The following LRRC8D variants were observed in gnomAD, a reference collection of about 807,000 sequenced individuals.
LRRC8D encodes leucine rich repeat containing 8 VRAC subunit D, also known as volume-regulated anion channel subunit LRRC8D.
In LRRC8D, 20 loss-of-function variants were observed where a neutral mutation model predicts 55.8. The ratio of observed to expected loss-of-function variants is 0.36; its 90% CI spans 0.25 to 0.52. The LOEUF (loss-of-function observed/expected upper bound fraction) is 0.52. Ranked by LOEUF, LRRC8D falls within the 20% of genes least tolerant of loss-of-function variation. The probability of loss-of-function intolerance (pLI) is 0.93; values close to 1 mark genes in which losing one functional copy is unlikely to be tolerated. For missense variants in LRRC8D, 651 were observed against 1,030.8 expected (o/e 0.63, Z 5.05); for synonymous variants, 352 against 377.0 (o/e 0.93, Z 0.77).
intron 2 of LRRC8D, among the ~76,000 whole-genome samples, chr1:89,903,987 G>A (rs1214331300): frequency 6.6e-6 from 1 of 152,116 alleles, no homozygotes; most frequent in African/African-American, 2.4e-5. Flanking sequence ...TTTCGCCTTT[G>A]AGAATAATTA....
In LRRC8D at chr1:89,935,058, G is replaced by T; in HGVS notation, c.1990G>T (p.Asp664Tyr). 1 of 1,614,182 alleles carries T rather than the reference G, an allele frequency of 6.2e-7. No individual in the cohort carries two copies. Among genetic ancestry groups the T allele is most frequent in the Non-Finnish European group, 8.5e-7 (1 of 1,180,032 alleles). The part of the protein sequence containing the change: ...IFSLSNLQEL[D>Y]LKSNNIRTIE... Reference sequence around the variant, plus strand: ...CAGCCTCTCTAATTTACAGGAACTGGATTTAAAGTCCAATAACATTCGCAC... The same window carrying T: ...CAGCCTCTCTAATTTACAGGAACTGTATTTAAAGTCCAATAACATTCGCAC... Residue 664 changes from aspartate (D) to tyrosine (Y), a missense_variant, in exon 3 of 3, where the codon GAT becomes TAT. Transcript: ENST00000337338.
chr1:89,859,968 A>G (rs1177465946), intron 2 of LRRC8D, among the ~76,000 whole-genome samples: 1 of 152,246 alleles, frequency 6.6e-6, no homozygotes, highest in East Asian at 1.9e-4. Context: ...AAGAATCAGT[A>G]TATTTTGGGG....
chr1:89,859,152 T>A (rs2100788441), intron 2 of LRRC8D, among the ~76,000 whole-genome samples: 1 of 152,326 alleles, frequency 6.6e-6, no homozygotes, highest in South Asian at 2.1e-4. Flanking sequence ...AAGATAAGCT[T>A]GAAATGTAAT....
intron 2 of LRRC8D, among the ~76,000 whole-genome samples, chr1:89,854,210 A>C (rs550668053): frequency 6.6e-6 from 1 of 152,186 alleles, no homozygotes; most frequent in Non-Finnish European, 1.5e-5. Context: ...GGATATTTTC[A>C]GTAAAGGAGG....
chr1:89,922,063 A>G (rs952226492), intron 2 of LRRC8D, among the ~76,000 whole-genome samples: 2 of 151,784 alleles, frequency 1.3e-5, no homozygotes, highest in South Asian at 2.1e-4. Context: ...ACCTCTTCAT[A>G]TAATTTTTTT....
At chr1:89,928,938 G>A (rs1164286937) in intron 2 of LRRC8D, among the ~76,000 whole-genome samples, 1 of 152,148 alleles carries the variant, frequency 6.6e-6, no homozygotes, top group East Asian at 1.9e-4. Flanking sequence ...AGCAATTCAG[G>A]TTAATAAAAT....
At position 89,917,625 on chromosome 1, in the gene LRRC8D, G is replaced by A. The variant is rs139225967; in HGVS notation, c.-2-15442G>A. ...TTTCTTCACACCTCCCTTCCATCAC[G>A]ATTTCCTCAGAAAATTCCTCCCTGA... On this transcript the variant is annotated intron_variant, in intron 2 of 2. Coordinates refer to ENST00000337338, the MANE Select transcript of LRRC8D (RefSeq NM_001134479.2). 2.0e-3 allele frequency among the ~76,000 whole-genome samples: 311 copies of A among 152,020 alleles called. 3 individuals carry two copies. Among genetic ancestry groups the A allele is most frequent in the African/African-American group, 7.1e-3 (296 of 41,446 alleles).
chr1:89,861,631 G>A (rs1661723323), intron 2 of LRRC8D, among the ~76,000 whole-genome samples: 1 of 152,164 alleles, frequency 6.6e-6, no homozygotes, highest in South Asian at 2.1e-4. Flanking sequence ...GTATCCTTTG[G>A]ACTTGGCATA....
chr1:89,925,575 A>G lies in LRRC8D; in HGVS notation c.-2-7492A>G, dbSNP rs184678088. 4.9e-3 allele frequency among the ~76,000 whole-genome samples: 739 copies of G among 152,296 alleles called. 3 individuals carry two copies. Among genetic ancestry groups the G allele is most frequent in the Non-Finnish European group, 8.5e-3 (578 of 68,028 alleles). On this transcript the variant is annotated intron_variant, in intron 2 of 2. Transcript: ENST00000337338. The stretch of plus-strand genomic sequence containing the variant: ...GTTTACCCATGTTACAAACCTGCAC[A>G]TGTACACCCTGAACCTAAAATAAGT...
intron 2 of LRRC8D, among the ~76,000 whole-genome samples, chr1:89,904,702 AG>A (rs1662947002): frequency 6.6e-6 from 1 of 152,336 alleles, no homozygotes; most frequent in South Asian, 2.1e-4. Context: ...ATGACTTAGT[AG>A]AAAACACGTC....
intron 2 of LRRC8D, among the ~76,000 whole-genome samples, chr1:89,915,876 C>G (rs1663253972): frequency 6.6e-6 from 1 of 152,096 alleles, no homozygotes. Flanking sequence ...CCAAGATTAT[C>G]AAAGTCAAAG....
At chr1:89,868,505 G>T (rs1440215630) in intron 2 of LRRC8D, among the ~76,000 whole-genome samples, 2 of 152,074 alleles carry the variant, frequency 1.3e-5, no homozygotes, top group Non-Finnish European at 1.5e-5. Context: ...GTTTATTTAT[G>T]TAAATATACC....
intron 2 of LRRC8D, among the ~76,000 whole-genome samples, chr1:89,914,957 A>G (rs945630991): frequency 2.6e-5 from 4 of 151,874 alleles, no homozygotes; most frequent in African/African-American, 9.7e-5. Context: ...ACTACTTAAG[A>G]TAAGTATGGG....
intron 2 of LRRC8D, among the ~76,000 whole-genome samples, chr1:89,902,904 C>T (rs1333811439): frequency 2.0e-5 from 3 of 152,146 alleles, no homozygotes; most frequent in African/African-American, 7.2e-5. Context: ...TAATAATCCC[C>T]ATTTCTTTAT....
At chr1:89,830,774 T>G (rs1660867178) in intron 1 of LRRC8D, among the ~76,000 whole-genome samples, 1 of 152,210 alleles carries the variant, frequency 6.6e-6, no homozygotes, top group South Asian at 2.1e-4. Context: ...TAATTCAACA[T>G]TTTAGAACTT....
intron 2 of LRRC8D, among the ~76,000 whole-genome samples, chr1:89,882,063 T>G (rs2100851729): frequency 6.6e-6 from 1 of 152,330 alleles, no homozygotes; most frequent in East Asian, 1.9e-4. Context: ...AAGGCCTCAC[T>G]GCCATCAGAG....
chr1:89,872,967 C>T lies in LRRC8D; in HGVS notation c.-3+29185C>T, dbSNP rs72965682. On this transcript the variant is annotated intron_variant, in intron 2 of 2. Transcript: ENST00000337338. Reference sequence around the variant, plus strand: ...CATCTTGGGAATTTTAGATAGGAATCGTTTGTGACCCAAAGTGAATAAAAA... The same window carrying T: ...CATCTTGGGAATTTTAGATAGGAATTGTTTGTGACCCAAAGTGAATAAAAA... 1.0e-2 allele frequency among the ~76,000 whole-genome samples: 1,520 copies of T among 152,242 alleles called. 20 individuals carry two copies. Among genetic ancestry groups the T allele is most frequent in the African/African-American group, 0.035 (1,452 of 41,540 alleles).
At chr1:89,825,313 C>T (rs563793983) in intron 1 of LRRC8D, among the ~76,000 whole-genome samples, 1 of 152,316 alleles carries the variant, frequency 6.6e-6, no homozygotes, top group South Asian at 2.1e-4. Flanking sequence ...TGCCAGGCCA[C>T]ATGGCATTTA....
At chr1:89,845,169 T>G (rs1025290935) in intron 2 of LRRC8D, among the ~76,000 whole-genome samples, 17 of 152,166 alleles carry the variant, frequency 1.1e-4, no homozygotes, top group African/African-American at 3.6e-4. Context: ...ATGCTGAAAA[T>G]TTTATCATAA....
Sources: allele counts gnomAD v4.1 joint callset (sites outside exome capture counted in the v4.1 genomes callset), GRCh38; gene constraint gnomAD v4.1.1; transcripts MANE v1.5; gene names NCBI Gene and HGNC (gene_info 2026-07-23, HGNC 2026-07-21).